USP54: variants seen among roughly 807,000 people sequenced by gnomAD.
The protein encoded by USP54 is ubiquitin carboxyl-terminal hydrolase 54.
Under a neutral mutation model 170.5 loss-of-function variants are expected in USP54, and 87 were observed. The ratio of observed to expected loss-of-function variants is 0.51; its 90% confidence interval spans 0.43 to 0.61. The LOEUF is 0.61. USP54 is among the 20% of genes least tolerant of loss of function. USP54 has a pLI of 0.00. For synonymous variants in USP54, 655 were observed against 742.8 expected, an observed-to-expected ratio of 0.88 and a Z score of 1.92; for missense variants, 1,786 against 2,047.8, an observed-to-expected ratio of 0.87 and a Z score of 2.47.
intron 4 of USP54, among the ~76,000 whole-genome samples, chr10:73,550,933 C>T (rs1158630745): frequency 3.9e-5 from 6 of 151,976 alleles, no homozygotes; most frequent in Non-Finnish European, 7.4e-5. Flanking sequence ...GGTGAAACCC[C>T]GTCTCTACTA....
At chr10:73,619,555 A>T (rs1249650891) in intron 1 of USP54, among the ~76,000 whole-genome samples, 1 of 150,190 alleles carries the variant, frequency 6.7e-6, no homozygotes, top group Non-Finnish European at 1.5e-5. Flanking sequence ...AAAGAAAGAA[A>T]AAAGAAAGTT....
intron 4 of USP54, among the ~76,000 whole-genome samples, chr10:73,549,951 TCTCA>T (rs1385397784): frequency 1.3e-5 from 2 of 152,136 alleles, no homozygotes; most frequent in South Asian, 2.1e-4. Context: ...TGAGATGGAG[TCTCA>T]CTCTGTCACC....
chr10:73,572,994 TA>T (rs1157428727), intron 3 of USP54, among the ~76,000 whole-genome samples: 2 of 152,230 alleles, frequency 1.3e-5, no homozygotes, highest in Admixed American at 1.3e-4. Context: ...CTAAAAAAAC[TA>T]ATATGTGGCC....
At position 73,520,891 on chromosome 10, in the gene USP54, CAGTT is replaced by C. The variant is rs1184035069; in HGVS notation, c.2482+13_2482+16del. 1.2e-6 allele frequency: 2 copies of C among 1,613,918 alleles called. No individual in the cohort carries two copies. Among genetic ancestry groups the C allele is most frequent in the Admixed American group, 1.7e-5 (1 of 60,006 alleles). Reference sequence around the variant, plus strand: ...TTAGTCAAAAGTGCCACAGCCATAGCAGTTAGAGTTACTTACAGATAGCTTCATT... The same window carrying C: ...TTAGTCAAAAGTGCCACAGCCATAGCAGAGTTACTTACAGATAGCTTCATT... On this transcript the variant is annotated intron_variant, in intron 18 of 23. Transcript: ENST00000687698.
intron 1 of USP54, among the ~76,000 whole-genome samples, chr10:73,583,293 AT>A (rs1161509620): frequency 6.6e-6 from 1 of 151,570 alleles, no homozygotes; most frequent in African/African-American, 2.4e-5. Context: ...AACAAAGAAA[AT>A]TTTTTTTTGA....
At chr10:73,618,360 C>G (rs1430319828) in intron 1 of USP54, among the ~76,000 whole-genome samples, 1 of 150,498 alleles carries the variant, frequency 6.6e-6, no homozygotes, top group Non-Finnish European at 1.5e-5. Flanking sequence ...CACCTGGGCT[C>G]AAGGGATCTT....
rs779056694 is a variant in USP54 at position 73,542,999 on chromosome 10, A to G, written c.489+19T>C. ...TGTTCTGGAAGAAATGTCTAAAAAAAGATGGAGCTAGAGTTCACCTGCTCA... is the reference window on the plus strand; with the variant it reads ...TGTTCTGGAAGAAATGTCTAAAAAAGGATGGAGCTAGAGTTCACCTGCTCA... On this transcript the variant is annotated intron_variant, in intron 6 of 23. Transcript: ENST00000687698. The G allele has an allele frequency of 6.2e-7, 1 of 1,611,564 alleles. No homozygotes were observed. Among genetic ancestry groups the G allele is most frequent in the East Asian group, 2.2e-5 (1 of 44,868 alleles).
chr10:73,545,180 C>A (rs1400616032), intron 5 of USP54, among the ~76,000 whole-genome samples: 1 of 152,146 alleles, frequency 6.6e-6, no homozygotes, highest in African/African-American at 2.4e-5. Context: ...GGAGGAGCAG[C>A]ATCAGTATTA....
Position 73,530,209 on chromosome 10 carries a change from T to C in USP54, c.1762A>G (p.Ile588Val), listed in dbSNP as rs770214065. The C allele has an allele frequency of 4.3e-6, 7 of 1,614,134 alleles. No homozygotes were observed. Among genetic ancestry groups the C allele is most frequent in the Non-Finnish European group, 5.9e-6 (7 of 1,180,034 alleles). Reference sequence around the variant, plus strand: ...TGCTTCCTTTTGTCCTTACTAAAGATACTGTCAATATTCAGAGATTCTCGT... The same window carrying C: ...TGCTTCCTTTTGTCCTTACTAAAGACACTGTCAATATTCAGAGATTCTCGT... ...PKRESLNIDS[I>V]FSKDKRKHCG... Residue 588 changes from isoleucine (I) to valine (V), a missense_variant, in exon 14 of 24, where the codon ATC becomes GTC. Around this residue, in one of 3 missense-constraint regions of USP54, gnomAD observed 1,418 missense variants for 1,569.0 expected, o/e 0.90. Coordinates refer to ENST00000687698, the MANE Select transcript of USP54 (RefSeq NM_001391956.1).
chr10:73,588,632 C>T (rs567018778), intron 1 of USP54, among the ~76,000 whole-genome samples: 1 of 152,284 alleles, frequency 6.6e-6, no homozygotes, highest in South Asian at 2.1e-4. Context: ...TACAATATTG[C>T]AAAAGCAAAC....
intron 1 of USP54, among the ~76,000 whole-genome samples, chr10:73,597,960 C>T (rs561781858): frequency 2.0e-5 from 3 of 152,030 alleles, no homozygotes; most frequent in East Asian, 1.9e-4. Flanking sequence ...GGTGGGGACC[C>T]GTAATCCCAG....
chr10:73,573,991 T>C (rs1038546727), intron 3 of USP54, among the ~76,000 whole-genome samples: 3 of 152,226 alleles, frequency 2.0e-5, no homozygotes, highest in Admixed American at 6.5e-5. Context: ...CAACCCATTT[T>C]CTCATAACAT....
In USP54 at chr10:73,539,685, G is replaced by A. The variant is rs1347656854; in HGVS notation, c.826-92C>T. On this transcript the variant is annotated intron_variant, in intron 9 of 23. Transcript: ENST00000687698. The stretch of plus-strand genomic sequence containing the variant: ...GACTCCACCAGCATTTCTTAAGTAA[G>A]GTACTGACTTGCTTCTCTTCCCTTC... The A allele has an allele frequency of 4.4e-6, 6 of 1,349,418 alleles. No individual in the cohort carries two copies. In the East Asian group the frequency reaches 9.6e-5, roughly 22 times the overall value. The allele number at this position is 1,349,418 out of a possible 1,614,324, so 83.6% of individuals were successfully genotyped here.
At position 73,545,658 on chromosome 10, in the gene USP54, C is replaced by T. The variant is rs1564779279; in HGVS notation, c.255G>A (p.Gln85=). 4 of 1,614,100 alleles carry T rather than the reference C, an allele frequency of 2.5e-6. No homozygotes were observed. Among genetic ancestry groups the T allele is most frequent in the East Asian group, 2.2e-5 (1 of 44,874 alleles). The change falls in exon 5 of 24, where the codon CAG becomes CAA. Residue 85 remains glutamine, a synonymous_variant. Coordinates refer to ENST00000687698, the MANE Select transcript of USP54 (RefSeq NM_001391956.1). ...IFCALKGIFN[Q]FQCSSEKVLP... is the part of the protein sequence containing the mutation. The stretch of plus-strand genomic sequence containing the variant: ...GCACTTTTTCACTACTACACTGAAA[C>T]TGGTTAAAGATTCCCTATAGGGAAG...
chr10:73,530,640 G>A, intron 13 of USP54, 64 bp downstream of exon 13: 1 of 1,600,712 alleles, frequency 6.2e-7, no homozygotes, highest in Non-Finnish European at 8.5e-7. Flanking sequence ...CCAACAGTCT[G>A]GAGCATGACA....
rs143809599 is a variant in USP54 at position 73,602,569 on chromosome 10, A to G, written c.-18+22998T>C. ...CTCTGATTCAAAAAAAAAAAATAGT[A>G]TAATAGTGGCCAGGCACTGTGGCTC... On this transcript the variant is annotated intron_variant, in intron 1 of 22. Transcript: ENST00000339859. Among the ~76,000 whole-genome samples the G allele has an allele frequency of 6.2e-3, 904 of 146,860 alleles. 8 individuals carry two copies. Among genetic ancestry groups the G allele is most frequent in the African/African-American group, 0.021 (833 of 39,568 alleles).
At chr10:73,568,186 T>A (rs2074270079) in intron 4 of USP54, among the ~76,000 whole-genome samples, 1 of 152,184 alleles carries the variant, frequency 6.6e-6, no homozygotes. Context: ...GCACTGGGAT[T>A]ACAGGCATAG....
At chr10:73,509,105 C>CAAAAAAAA (rs34441562) in intron 20 of USP54, among the ~76,000 whole-genome samples, 2 of 47,296 alleles carry the variant, frequency 4.2e-5, no homozygotes, top group Admixed American at 2.2e-4. Context: ...ATCATACTGG[C>CAAAAAAAA]AAAAAAAAAA....
chr10:73,548,560 T>C (rs953361076), intron 4 of USP54, among the ~76,000 whole-genome samples: 1 of 151,116 alleles, frequency 6.6e-6, no homozygotes, highest in African/African-American at 2.5e-5. Context: ...TTAAAAAAAA[T>C]GAGTTCATGT....
Sources: gnomAD v4.1 joint callset for allele counts (sites outside exome capture counted in the v4.1 genomes callset) on GRCh38, gnomAD v4.1.1 for gene constraint, gnomAD v4.1.1 regional missense constraint, MANE v1.5 for transcripts, NCBI Gene and HGNC (gene_info 2026-07-23, HGNC 2026-07-21) for gene names.